Variants in F8 observed in about 807,000 individuals in gnomAD.
The protein encoded by F8 is coagulation factor VIII.
A neutral mutation model predicts 140.6 loss-of-function variants in F8; 12 were observed. The ratio of observed to expected loss-of-function variants is 0.09; its 90% confidence interval spans 0.05 to 0.14. The LOEUF (loss-of-function observed/expected upper bound fraction) is 0.14, where lower values mean the gene tolerates loss of function less well. F8 is among the 10% of genes least tolerant of loss of function. The pLI, the probability that F8 is intolerant of heterozygous loss-of-function variation, is 1.00. For synonymous variants in F8, 585 were observed against 614.6 expected (o/e 0.95, Z 0.71); for missense variants, 1,354 against 1,720.7 (o/e 0.79, Z 3.77).
At chrX:154,943,646 T>C in intron 13 of F8, among the ~76,000 whole-genome samples, 1 of 111,719 alleles carries the variant, frequency 9.0e-6, no homozygotes, top group Non-Finnish European at 1.9e-5. Flanking sequence ...AATGACTTTC[T>C]TCACAGAATT....
At chrX:154,920,551 C>T (rs1359468693) in intron 14 of F8, among the ~76,000 whole-genome samples, 2 of 110,471 alleles carry the variant, frequency 1.8e-5, no homozygotes, top group Non-Finnish European at 3.8e-5. Context: ...CCCCCAGGCT[C>T]AAGCAGTCCT....
At chrX:154,980,193 T>G (rs1255490123) in intron 6 of F8, among the ~76,000 whole-genome samples, 1 of 111,707 alleles carries the variant, frequency 9.0e-6, no homozygotes, top group Non-Finnish European at 1.9e-5. Context: ...ACTAGATGCA[T>G]CTAGTCAACC....
At position 154,929,116 on chromosome X, in the gene F8, G is replaced by A. The variant is rs782569244; in HGVS notation, c.4674C>T (p.Asn1558=). Residue 1558 remains asparagine, a synonymous_variant, in exon 14 of 26, where the codon AAC becomes AAT. Transcript: ENST00000360256. Reference sequence around the variant, plus strand: ...TCAGAAAGGGAACTTTTCCAGGTCTGTTTGCTTCATTCCACTTAATCGCTC... The same window carrying A: ...TCAGAAAGGGAACTTTTCCAGGTCTATTTGCTTCATTCCACTTAATCGCTC... ...TEGAIKWNEA[N]RPGKVPFLRV... The A allele has an allele frequency of 8.3e-7, 1 of 1,211,521 alleles. No individual in the cohort carries two copies. Among genetic ancestry groups the A allele is most frequent in the Non-Finnish European group, 1.1e-6 (1 of 895,493 alleles).
chrX:154,855,174 T>A (rs1239448514), intron 25 of F8, among the ~76,000 whole-genome samples: 1 of 111,936 alleles, frequency 8.9e-6, no homozygotes, highest in African/African-American at 3.3e-5. Context: ...CAACTACTTT[T>A]AAGAAGCAAG....
At chrX:154,904,703 C>T in intron 16 of F8, 108 bp downstream of exon 16, 3 of 749,624 alleles carry the variant, frequency 4.0e-6, no homozygotes, top group Admixed American at 2.4e-5. Context: ...GATCAACTCT[C>T]CTATTTAAAG....
At chrX:154,845,946 C>A (rs1217216835) in intron 25 of F8, among the ~76,000 whole-genome samples, 1 of 111,996 alleles carries the variant, frequency 8.9e-6, no homozygotes, top group Non-Finnish European at 1.9e-5. Flanking sequence ...ATAAATTTTC[C>A]TCTACACACT....
intron 9 of F8, among the ~76,000 whole-genome samples, chrX:154,964,480 C>T (rs2073413854): frequency 9.0e-6 from 1 of 111,675 alleles, no homozygotes; most frequent in Non-Finnish European, 1.9e-5. Flanking sequence ...AGATATCAAA[C>T]ATATCACAAA....
chrX:154,868,218 T>A (rs1213644085), intron 22 of F8, among the ~76,000 whole-genome samples: 1 of 111,666 alleles, frequency 9.0e-6, no homozygotes, highest in Non-Finnish European at 1.9e-5. Context: ...TGGGAGGTGA[T>A]TGGATCATGG....
Position 154,931,335 on chromosome X carries a change from G to C in F8, c.2455C>G (p.Pro819Ala). ...AGATCAGATAAGGATAGCCCATGTG[G>C]AGTAGGACTCTGTCGCAAGAGCATC... is the stretch of plus-strand genomic sequence containing the variant. Reference protein sequence around the residue: ...LLMLLRQSPTPHGLSLSDLQE... With the variant: ...LLMLLRQSPTAHGLSLSDLQE... Residue 819 changes from proline (P) to alanine (A), a missense_variant, in exon 14 of 26, where the codon CCA (proline) becomes GCA (alanine). Transcript: ENST00000360256. 1.2e-5 allele frequency: 14 copies of C among 1,209,862 alleles called. No individual in the cohort carries two copies. Among genetic ancestry groups the C allele is most frequent in the Non-Finnish European group, 1.3e-5 (12 of 893,739 alleles).
intron 13 of F8, among the ~76,000 whole-genome samples, chrX:154,940,146 T>C (rs1247450478): frequency 9.0e-6 from 1 of 111,698 alleles, no homozygotes; most frequent in Non-Finnish European, 1.9e-5. Flanking sequence ...TCACCAGCAA[T>C]GGAACAAAGC....
chrX:154,933,657 C>T (rs782751618), intron 13 of F8, among the ~76,000 whole-genome samples: 15 of 111,924 alleles, frequency 1.3e-4, no homozygotes, highest in Non-Finnish European at 2.4e-4. Flanking sequence ...TACTACAGAA[C>T]AGGGAGAAGG....
chrX:154,983,539 A>T (rs923903183), intron 6 of F8, among the ~76,000 whole-genome samples: 3 of 111,345 alleles, frequency 2.7e-5, no homozygotes, highest in Non-Finnish European at 3.8e-5. Context: ...AAACGTAAAG[A>T]TCCAGTATTA....
chrX:154,873,726 A>G (rs2148573276), intron 22 of F8, among the ~76,000 whole-genome samples: 1 of 112,343 alleles, frequency 8.9e-6, no homozygotes, highest in African/African-American at 3.2e-5. Flanking sequence ...AAGGGTGCCA[A>G]GAACACACAA....
intron 25 of F8, among the ~76,000 whole-genome samples, chrX:154,838,209 C>G (rs1557271099): frequency 1.8e-5 from 2 of 112,229 alleles, no homozygotes; most frequent in Non-Finnish European, 3.8e-5. Flanking sequence ...TGCAACACAG[C>G]AAGGCATGCA....
intron 25 of F8, among the ~76,000 whole-genome samples, chrX:154,849,905 C>T (rs782513640): frequency 4.5e-5 from 5 of 110,978 alleles, no homozygotes; most frequent in Non-Finnish European, 9.4e-5. Context: ...AACATCTTTA[C>T]CTCCTAGATA....
intron 6 of F8, among the ~76,000 whole-genome samples, chrX:154,978,141 T>C (rs1557283177): frequency 9.1e-6 from 1 of 110,257 alleles, no homozygotes; most frequent in Non-Finnish European, 1.9e-5. Context: ...TGGGTAAATT[T>C]CTCTTTCATA....
intron 13 of F8, among the ~76,000 whole-genome samples, chrX:154,934,158 T>C (rs1197647769): frequency 8.9e-6 from 1 of 111,900 alleles, no homozygotes; most frequent in East Asian, 2.8e-4. Flanking sequence ...CTGGAAGATA[T>C]CTGAAGCCAT....
At chrX:154,946,216 GA>G (rs1165002588) in intron 13 of F8, among the ~76,000 whole-genome samples, 2 of 111,885 alleles carry the variant, frequency 1.8e-5, no homozygotes, top group Non-Finnish European at 3.8e-5. Flanking sequence ...CACAGAAATA[GA>G]AAAAAGAATC....
At chrX:154,973,184 GCTCT>G (rs2073467979) in intron 6 of F8, among the ~76,000 whole-genome samples, 1 of 112,235 alleles carries the variant, frequency 8.9e-6, no homozygotes, top group South Asian at 3.7e-4. Flanking sequence ...GTATTTCTGG[GCTCT>G]CTATTTTGTT....
Sources: gnomAD v4.1 joint callset for allele counts (sites outside exome capture counted in the v4.1 genomes callset) on GRCh38, gnomAD v4.1.1 for gene constraint, MANE v1.5 for transcripts, NCBI Gene and HGNC (gene_info 2026-07-23, HGNC 2026-07-21) for gene names.